Variants in PLEKHA4 observed in about 807,000 individuals in gnomAD.
The protein encoded by PLEKHA4 is pleckstrin homology domain-containing family A member 4.
A neutral mutation model predicts 94.7 loss-of-function variants in PLEKHA4; 73 were observed. That is an observed-to-expected ratio of 0.77 (90% confidence interval 0.64 to 0.94). PLEKHA4 has a LOEUF of 0.94. Ranked by LOEUF, PLEKHA4 falls within the 40% of genes least tolerant of loss-of-function variation. The probability of loss-of-function intolerance (pLI) is 0.00; values close to 1 mark genes in which losing one functional copy is unlikely to be tolerated. For synonymous variants in PLEKHA4, 449 were observed against 437.1 expected, an observed-to-expected ratio of 1.03 and a Z score of -0.34; for missense variants, 1,049 against 1,054.1, an observed-to-expected ratio of 1.00 and a Z score of 0.07.
intron 18 of PLEKHA4, among the ~76,000 whole-genome samples, chr19:48,838,766 CAAAAA>C (rs58253636): frequency 9.7e-6 from 1 of 102,594 alleles, no homozygotes. Flanking sequence ...GACTCCGTCT[CAAAAA>C]AAAAAAAAAA....
Position 48,862,196 on chromosome 19 carries a change from TTCTC to T in PLEKHA4, c.193-508_193-505del, listed in dbSNP as rs928420761. 6.5e-5 allele frequency among the ~76,000 whole-genome samples: 9 copies of T among 139,278 alleles called. 1 individual carries two copies. Among genetic ancestry groups the T allele is most frequent in the South Asian group, 2.2e-4 (1 of 4,558 alleles). The allele number at this position is 139,278 out of a possible 152,430, so 91.4% of individuals were successfully genotyped here. ...GAATAGTAGCCCTACTTCTTTTCTT[TTCTC>T]TCTCTTTTTTTTTTTTTTTTGACAG... On this transcript the variant is annotated intron_variant, in intron 3 of 19. Coordinates refer to ENST00000263265, the MANE Select transcript of PLEKHA4 (RefSeq NM_020904.3).
intron 5 of PLEKHA4, 93 bp downstream of exon 5, chr19:48,861,308 C>T: frequency 9.7e-7 from 1 of 1,026,190 alleles, no homozygotes; most frequent in South Asian, 1.3e-5. Context: ...TATTCCAGTG[C>T]TTGTTAGGAC....
In PLEKHA4 at chr19:48,854,271, A is replaced by G. The variant is rs752048677; in HGVS notation, c.1048-7T>C. On this transcript the variant is annotated splice_polypyrimidine_tract_variant and splice_region_variant and intron_variant, in intron 9 of 19. Transcript: ENST00000263265. ...ACTCCAGGGGAGGACCCGGCTGAAG[A>G]GAAGGAAAAAAGTCAGGGGTCAAAG... 1.2e-6 allele frequency: 2 copies of G among 1,613,944 alleles called. No homozygotes were observed. Among genetic ancestry groups the G allele is most frequent in the South Asian group, 1.1e-5 (1 of 91,080 alleles).
intron 6 of PLEKHA4, chr19:48,859,918 ACT>A: frequency 1.7e-6 from 1 of 593,036 alleles, no homozygotes; most frequent in South Asian, 2.2e-5. Flanking sequence ...TATGGGATAG[ACT>A]CAGCCAGGTA....
chr19:48,837,575 A>T lies in PLEKHA4; in HGVS notation c.2078-24T>A. ...ACCTGGAGAGGATGAGTGGGACATG[A>T]GAATGGCAAACCTCAGCGCTAGGAC... On this transcript the variant is annotated intron_variant, in intron 19 of 19. Coordinates refer to ENST00000263265, the MANE Select transcript of PLEKHA4 (RefSeq NM_020904.3). This position sits in a 1 kb window ranked among gnomAD's most constrained non-coding sequence, Gnocchi z 4.3. The T allele has an allele frequency of 1.2e-6, 2 of 1,612,522 alleles. No individual in the cohort carries two copies. Among genetic ancestry groups the T allele is most frequent in the Non-Finnish European group, 1.7e-6 (2 of 1,179,578 alleles).
intron 13 of PLEKHA4, among the ~76,000 whole-genome samples, chr19:48,851,179 T>C (rs1032154910): frequency 3.9e-5 from 6 of 152,110 alleles, no homozygotes; most frequent in Admixed American, 3.3e-4. Context: ...ATGGATTGTT[T>C]GTAACACAAA....
chr19:48,852,278 C>A lies in PLEKHA4; in HGVS notation c.1375G>T (p.Gly459Cys), dbSNP rs559324334. 6.2e-7 allele frequency: 1 copy of A among 1,614,048 alleles called. No homozygotes were observed. Among genetic ancestry groups the A allele is most frequent in the South Asian group, 1.1e-5 (1 of 91,074 alleles). Residue 459 changes from glycine to cysteine, a missense_variant, in exon 13 of 20, where the codon GGC becomes TGC. By Grantham distance (159) the Gly-to-Cys change is radical. Coordinates refer to ENST00000263265, the MANE Select transcript of PLEKHA4 (RefSeq NM_020904.3). Reference sequence around the variant, plus strand: ...TACTCCAGCGTCTCTCTTAAGGTGCCCAGCTCCTGCTCCAGGCCACTGTAC... The same window carrying A: ...TACTCCAGCGTCTCTCTTAAGGTGCACAGCTCCTGCTCCAGGCCACTGTAC... ...DTYSGLEQEL[G>C]TLRETLEYLL...
intron 17 of PLEKHA4, among the ~76,000 whole-genome samples, chr19:48,839,748 A>G (rs2035679355): frequency 6.6e-6 from 1 of 151,948 alleles, no homozygotes; most frequent in Non-Finnish European, 1.5e-5. Flanking sequence ...GCAGCACATG[A>G]GTTCAGAAAT....
intron 9 of PLEKHA4, among the ~76,000 whole-genome samples, chr19:48,854,785 G>A (rs2036341795): frequency 7.5e-6 from 1 of 134,148 alleles, no homozygotes; most frequent in Admixed American, 8.8e-5. Context: ...CTGCAGCCTT[G>A]AACTCTTAGG....
chr19:48,857,641 G>C (rs2036476516), intron 8 of PLEKHA4, 145 bp from the exon 9 acceptor site: 2 of 610,696 alleles, frequency 3.3e-6, no homozygotes, highest in Non-Finnish European at 5.8e-6. Context: ...TCTGAAACAT[G>C]TGCTGTGTCC....
intron 14 of PLEKHA4, among the ~76,000 whole-genome samples, chr19:48,846,273 C>T (rs2035967222): frequency 6.6e-6 from 1 of 151,204 alleles, no homozygotes; most frequent in African/African-American, 2.4e-5. Flanking sequence ...CGGTGAAACC[C>T]CGTCTCTACT....
intron 16 of PLEKHA4, among the ~76,000 whole-genome samples, chr19:48,842,033 T>C (rs1368029973): frequency 6.6e-6 from 1 of 152,220 alleles, no homozygotes; most frequent in African/African-American, 2.4e-5. Context: ...TCTGTGCTTA[T>C]TGTAGAACCA....
Position 48,858,950 on chromosome 19 carries a change from G to A in PLEKHA4, c.882C>T (p.Pro294=), listed in dbSNP as rs1568550272. The A allele has an allele frequency of 1.3e-6, 2 of 1,596,500 alleles. No individual in the cohort carries two copies. The highest frequency in any genetic ancestry group is 1.9e-5 in the Admixed American group (1 of 53,832). The stretch of plus-strand genomic sequence containing the variant: ...AGGGAGGTCCTCGGCGGGGAGTAGG[G>A]GGTCGGGAGAGGGTCTGGCGTTGGG... ...WGPQRQTLSR[P]PTPRRGPPSE... The change falls in exon 8 of 20, where the codon CCC becomes CCT. Residue 294 remains proline (P), a synonymous_variant. Transcript: ENST00000263265.
In PLEKHA4 at chr19:48,847,867, G is replaced by A. The variant is rs370966131; in HGVS notation, c.1566+33C>T. 19 of 1,527,708 alleles carry A rather than the reference G, an allele frequency of 1.2e-5. No homozygotes were observed. The African/African-American group carries it at 2.5e-4, about 20-fold the overall frequency. 94.6% of individuals were successfully genotyped at this position (1,527,708 alleles called of 1,614,324 possible). A position where few individuals can be genotyped will look rare whatever the true frequency, so the allele number is the denominator to read the frequency against. On this transcript the variant is annotated intron_variant, in intron 14 of 19. Coordinates refer to ENST00000263265, the MANE Select transcript of PLEKHA4 (RefSeq NM_020904.3). ...GAGTCAAGGACAGGTGGGACATGAA[G>A]CTTGGGGTGGGGAGGAATTATGTGC...
Position 48,860,423 on chromosome 19 carries a change from C to G in PLEKHA4, c.403G>C (p.Ala135Pro). Residue 135 changes from alanine (A) to proline (P), a missense_variant, in exon 6 of 20, where the codon GCT becomes CCT. By Grantham distance (27) the Ala-to-Pro change is conservative. Coordinates refer to ENST00000263265, the MANE Select transcript of PLEKHA4 (RefSeq NM_020904.3). ...CCCCGCAGGTCTTCTAAGGTGTCAGCGGCCAAAACGTAGGTCCTCATGCCC... is the reference window on the plus strand; with the variant it reads ...CCCCGCAGGTCTTCTAAGGTGTCAGGGGCCAAAACGTAGGTCCTCATGCCC... The part of the protein sequence containing the change: ...HPGMRTYVLA[A>P]DTLEDLRGWL... 6.2e-7 allele frequency: 1 copy of G among 1,614,092 alleles called. No individual in the cohort carries two copies. The highest frequency in any genetic ancestry group is 8.5e-7 in the Non-Finnish European group (1 of 1,180,018).
chr19:48,846,711 T>C (rs1467239750), intron 14 of PLEKHA4, among the ~76,000 whole-genome samples: 2 of 151,998 alleles, frequency 1.3e-5, no homozygotes, highest in African/African-American at 2.4e-5. Flanking sequence ...GAGGTTCCAG[T>C]GAGCTGTGAT....
intron 9 of PLEKHA4, among the ~76,000 whole-genome samples, chr19:48,857,195 C>A (rs1488725165): frequency 1.3e-5 from 2 of 152,134 alleles, no homozygotes; most frequent in Non-Finnish European, 2.9e-5. Flanking sequence ...ATAGCCCTGC[C>A]AATCCCTTGA....
chr19:48,846,051 T>C (rs1415718135), intron 14 of PLEKHA4, among the ~76,000 whole-genome samples: 1 of 148,782 alleles, frequency 6.7e-6, no homozygotes, highest in Non-Finnish European at 1.5e-5. Flanking sequence ...GATCTGAGCA[T>C]GGAGGCTTGT....
intron 14 of PLEKHA4, 24 bp from the exon 15 acceptor site, chr19:48,845,640 T>C: frequency 6.9e-7 from 1 of 1,456,142 alleles, no homozygotes; most frequent in African/African-American, 1.4e-5. Context: ...AAAAGGGGGA[T>C]AATGATGATC....
Sources: gnomAD v4.1 joint callset for allele counts (sites outside exome capture counted in the v4.1 genomes callset) on GRCh38, gnomAD v4.1.1 for gene constraint, Gnocchi (gnomAD v3.1) non-coding constraint, MANE v1.5 for transcripts, NCBI Gene and HGNC (gene_info 2026-07-23, HGNC 2026-07-21) for gene names.